Variants in PTPRD observed in about 807,000 individuals in gnomAD.
The protein encoded by PTPRD is protein tyrosine phosphatase receptor type D.
Under a neutral mutation model 214.5 loss-of-function variants are expected in PTPRD, and 34 were observed. The ratio of observed to expected loss-of-function variants is 0.16; its 90% CI spans 0.12 to 0.21. The LOEUF (loss-of-function observed/expected upper bound fraction) is 0.21, where lower values mean the gene tolerates loss of function less well. Ranked by LOEUF, PTPRD falls within the 10% of genes least tolerant of loss-of-function variation. PTPRD has a pLI of 1.00. For missense variants in PTPRD, 2,545 were observed against 2,398.7 expected, an observed-to-expected ratio of 1.06 and a Z score of -1.27; for synonymous variants, 1,128 against 845.7, an observed-to-expected ratio of 1.33 and a Z score of -5.79.
chr9:8,725,883 G>A, intron 12 of PTPRD, among the ~76,000 whole-genome samples: 1 of 152,244 alleles, frequency 6.6e-6, no homozygotes, highest in South Asian at 2.1e-4. Flanking sequence ...CAAAGTCTGA[G>A]AAGATTGCTT....
chr9:8,697,882 G>C (rs2097959778), intron 12 of PTPRD, among the ~76,000 whole-genome samples: 1 of 152,016 alleles, frequency 6.6e-6, no homozygotes. Flanking sequence ...TGGTAAATAT[G>C]GGTTGTCATT....
intron 7 of PTPRD, among the ~76,000 whole-genome samples, chr9:9,613,122 GTATACATACATACATATATATATA>G (rs1479553362): frequency 5.9e-5 from 4 of 68,126 alleles, no homozygotes; most frequent in African/African-American, 2.6e-4. Context: ...CTAGGCTGCA[GTATACATACATACATATATATATA>G]TATATATATA....
intron 10 of PTPRD, among the ~76,000 whole-genome samples, chr9:9,031,893 T>C (rs2099606727): frequency 6.6e-6 from 1 of 151,974 alleles, no homozygotes; most frequent in South Asian, 2.1e-4. Flanking sequence ...AGTCAAAAAA[T>C]GGGGCATTTT....
chr9:9,321,556 G>GAAA (rs3048028), intron 9 of PTPRD, among the ~76,000 whole-genome samples: 2 of 138,506 alleles, frequency 1.4e-5, no homozygotes, highest in Admixed American at 7.4e-5. Flanking sequence ...ACTCCACTGA[G>GAAA]AAAAAAAAAA....
chr9:10,091,737 G>T (rs139784435), intron 3 of PTPRD, among the ~76,000 whole-genome samples: 162 of 150,644 alleles, frequency 1.1e-3, no homozygotes, highest in African/African-American at 3.8e-3. Context: ...TACAGATCAT[G>T]ATTGCAAATC....
At chr9:9,789,076 G>A (rs2098948035) in intron 5 of PTPRD, among the ~76,000 whole-genome samples, 1 of 152,166 alleles carries the variant, frequency 6.6e-6, no homozygotes, top group Non-Finnish European at 1.5e-5. Context: ...TGGCTACATG[G>A]ACATCTGGAG....
intron 14 of PTPRD, among the ~76,000 whole-genome samples, chr9:8,570,788 C>G (rs58948334): frequency 0.21 from 31,127 of 151,636 alleles, 3,693 homozygotes; most frequent in African/African-American, 0.32. Flanking sequence ...ATTGGTAATG[C>G]TATTCCTCTT....
At chr9:9,925,761 T>C (rs1330363670) in intron 5 of PTPRD, among the ~76,000 whole-genome samples, 1 of 152,122 alleles carries the variant, frequency 6.6e-6, no homozygotes, top group Non-Finnish European at 1.5e-5. Context: ...TTATCTTTGT[T>C]TCATTGTAAT....
chr9:9,524,634 G>A (rs1259946822), intron 8 of PTPRD, among the ~76,000 whole-genome samples: 1 of 151,976 alleles, frequency 6.6e-6, no homozygotes, highest in Non-Finnish European at 1.5e-5. Context: ...CACCATATTG[G>A]TCTCAGATCT....
At chr9:9,268,991 A>T (rs1941547814) in intron 9 of PTPRD, among the ~76,000 whole-genome samples, 2 of 151,056 alleles carry the variant, frequency 1.3e-5, no homozygotes, top group Admixed American at 1.3e-4. Flanking sequence ...GGCAAAAAAA[A>T]AACCAAAAAT....
intron 12 of PTPRD, among the ~76,000 whole-genome samples, chr9:8,652,912 T>C (rs1259314896): frequency 6.6e-6 from 1 of 152,226 alleles, no homozygotes; most frequent in Non-Finnish European, 1.5e-5. Flanking sequence ...AAGCCTTTAT[T>C]CCATACCAAA....
chr9:9,566,494 C>T (rs971454799), intron 8 of PTPRD, among the ~76,000 whole-genome samples: 5 of 151,884 alleles, frequency 3.3e-5, no homozygotes, highest in African/African-American at 1.2e-4. Context: ...CCTAGGATAT[C>T]AGGAAAAACA....
chr9:8,545,783 T>C (rs886764538), intron 14 of PTPRD, among the ~76,000 whole-genome samples: 37 of 152,366 alleles, frequency 2.4e-4, no homozygotes, highest in East Asian at 3.9e-4. Context: ...ATGACATGGA[T>C]ACTTGTTTAT....
At chr9:8,404,425 A>T in intron 36 of PTPRD, 112 bp downstream of exon 36, 1 of 1,402,750 alleles carries the variant, frequency 7.1e-7, no homozygotes, top group Non-Finnish European at 9.5e-7. Context: ...CACCATGCAC[A>T]GCCATCTTAA....
chr9:10,208,732 C>G (rs1211662081), intron 3 of PTPRD, among the ~76,000 whole-genome samples: 1 of 152,052 alleles, frequency 6.6e-6, no homozygotes, highest in Non-Finnish European at 1.5e-5. Flanking sequence ...GAGAAAATAT[C>G]CATTTATTGC....
rs373884123 is a variant in PTPRD at position 9,852,513 on chromosome 9, T to C, written c.-367-85662A>G. Among the ~76,000 whole-genome samples, 4 of 152,204 alleles carry C rather than the reference T, an allele frequency of 2.6e-5. No homozygotes were observed. In the South Asian group the frequency reaches 8.3e-4, roughly 32 times the overall value. ...TAATGAAAATAATTAAAAGGTAAAG[T>C]GAGAAACCTGCTATAGTGTCTAGAG... On this transcript the variant is annotated intron_variant, in intron 5 of 45. Transcript: ENST00000381196.
At chr9:9,370,400 TG>T (rs1447245122) in intron 9 of PTPRD, among the ~76,000 whole-genome samples, 2 of 151,964 alleles carry the variant, frequency 1.3e-5, no homozygotes, top group Admixed American at 1.3e-4. Context: ...ACTCATGATT[TG>T]GCTCTCTATT....
At chr9:8,328,989 G>A (rs757819345) in intron 44 of PTPRD, among the ~76,000 whole-genome samples, 12 of 151,964 alleles carry the variant, frequency 7.9e-5, no homozygotes, top group South Asian at 4.1e-4. Context: ...CCCTTAGCTC[G>A]GAGGAGTTTG....
At chr9:9,305,949 C>T (rs1023069602) in intron 9 of PTPRD, among the ~76,000 whole-genome samples, 1 of 151,976 alleles carries the variant, frequency 6.6e-6, no homozygotes. Flanking sequence ...GATCTTTTAG[C>T]CTTCAGAATG....
Sources: gnomAD v4.1 joint callset for allele counts (sites outside exome capture counted in the v4.1 genomes callset) on GRCh38, gnomAD v4.1.1 for gene constraint, MANE v1.5 for transcripts, NCBI Gene and HGNC (gene_info 2026-07-23, HGNC 2026-07-21) for gene names.